Variants in NPIPB15 observed in about 807,000 individuals in gnomAD.
NPIPB15 encodes the protein nuclear pore complex-interacting protein family member B15.
Under a neutral mutation model 35.9 loss-of-function variants are expected in NPIPB15, and 5 were observed. That is an observed-to-expected ratio of 0.14 (90% CI 0.07 to 0.29). The LOEUF is 0.29. Ranked by LOEUF, NPIPB15 falls within the 10% of genes least tolerant of loss-of-function variation. The pLI, the probability that NPIPB15 is intolerant of heterozygous loss-of-function variation, is 1.00. For synonymous variants in NPIPB15, 43 were observed against 182.0 expected (o/e 0.24, Z 6.15); for missense variants, 100 against 506.1 (o/e 0.20, Z 7.70).
At chr16:74,387,344 A>C (rs1454516514) in intron 5 of NPIPB15, among the ~76,000 whole-genome samples, 1 of 148,612 alleles carries the variant, frequency 6.7e-6, no homozygotes, top group African/African-American at 2.5e-5. Context: ...TCAGCAATGA[A>C]ACTCAGGGAA....
At chr16:74,383,894 TGA>T (rs2012119353) in intron 3 of NPIPB15, among the ~76,000 whole-genome samples, 1 of 151,416 alleles carries the variant, frequency 6.6e-6, no homozygotes, top group African/African-American at 2.4e-5. Context: ...TCAGCATGGT[TGA>T]GAGTGACACT....
chr16:74,377,414 C>G (rs2011715955), intron 1 of NPIPB15, among the ~76,000 whole-genome samples, 68 bp downstream of exon 1: 1 of 151,776 alleles, frequency 6.6e-6, no homozygotes, highest in Non-Finnish European at 1.5e-5. Context: ...GGGGAGGGGT[C>G]ATTGGAATGA....
intron 2 of NPIPB15, among the ~76,000 whole-genome samples, chr16:74,378,245 T>C (rs1372004265): frequency 1.3e-5 from 2 of 151,592 alleles, no homozygotes; most frequent in Non-Finnish European, 2.9e-5. Context: ...TAGTCGGGCC[T>C]GGTGGTGCGT....
intron 2 of NPIPB15, among the ~76,000 whole-genome samples, chr16:74,378,689 C>T (rs1428486560): frequency 3.3e-5 from 5 of 150,816 alleles, no homozygotes; most frequent in Admixed American, 2.0e-4. Flanking sequence ...GGATTACAGG[C>T]GTGAACCACC....
intron 3 of NPIPB15, among the ~76,000 whole-genome samples, chr16:74,382,927 T>C (rs1233256347): frequency 5.7e-5 from 8 of 141,410 alleles, no homozygotes; most frequent in East Asian, 2.2e-4. Context: ...TTTTTTTTTT[T>C]CTTTTCTCAC....
intron 7 of NPIPB15, 69 bp from the exon 8 acceptor site, chr16:74,391,322 G>A (rs1213381811): frequency 2.5e-6 from 4 of 1,569,652 alleles, no homozygotes; most frequent in East Asian, 4.7e-5. Context: ...GGTGCAGACT[G>A]TGTTGGTGGC....
intron 5 of NPIPB15, among the ~76,000 whole-genome samples, chr16:74,386,486 TCTCA>T (rs1160742855): frequency 1.7e-5 from 2 of 117,984 alleles, no homozygotes; most frequent in South Asian, 2.9e-4. Flanking sequence ...TGAGACAGAG[TCTCA>T]CTCTGTCACC....
At chr16:74,379,104 T>C (rs920954108) in intron 2 of NPIPB15, among the ~76,000 whole-genome samples, 4 of 152,270 alleles carry the variant, frequency 2.6e-5, no homozygotes, top group African/African-American at 7.2e-5. Flanking sequence ...CCAGCCAAGA[T>C]CTACACTATT....
intron 2 of NPIPB15, among the ~76,000 whole-genome samples, chr16:74,378,423 CTTT>C (rs1002146100): frequency 4.9e-4 from 42 of 86,060 alleles, no homozygotes; most frequent in East Asian, 2.3e-3. Context: ...GGTTTGATGC[CTTT>C]TTTTTTTTTT....
intron 1 of NPIPB15, 157 bp from the exon 2 acceptor site, chr16:74,377,794 TC>T (rs1567410243): frequency 1.5e-3 from 2 of 1,376 alleles, no homozygotes; most frequent in African/African-American, 0.01. Context: ...CCCCTTCCCC[TC>T]CCCTCCCCCT....
intron 3 of NPIPB15, among the ~76,000 whole-genome samples, chr16:74,382,740 G>A (rs1310465025): frequency 1.3e-5 from 2 of 152,216 alleles, no homozygotes; most frequent in East Asian, 3.8e-4. Flanking sequence ...GGAAGAGGAA[G>A]TATGTTTCAG....
intron 3 of NPIPB15, among the ~76,000 whole-genome samples, chr16:74,382,796 GATATGTAGAAAACAGAAA>G (rs1257152547): frequency 6.6e-6 from 1 of 151,208 alleles, no homozygotes; most frequent in Admixed American, 6.6e-5. Context: ...TGCCTTTCAA[GATATGTAGAAAACAGAAA>G]ATATATGAGT....
intron 3 of NPIPB15, among the ~76,000 whole-genome samples, chr16:74,382,691 A>G (rs1218639897): frequency 6.6e-6 from 1 of 152,286 alleles, no homozygotes; most frequent in Admixed American, 6.5e-5. Context: ...ATGATCCAAG[A>G]TAAAAGTACT....
At chr16:74,379,320 G>C (rs138243158) in intron 2 of NPIPB15, among the ~76,000 whole-genome samples, 5,201 of 150,436 alleles carry the variant, frequency 0.035, 270 homozygotes, top group African/African-American at 0.12. Context: ...TTCCATTTCA[G>C]ACTCAGCATA....
intron 3 of NPIPB15, among the ~76,000 whole-genome samples, chr16:74,384,991 T>TTTTGTGTG (rs2012189109): frequency 1.1e-5 from 1 of 93,482 alleles, no homozygotes; most frequent in South Asian, 4.2e-4. Flanking sequence ...CATGTCATTC[T>TTTTGTGTG]TGTGTGTGTG....
intron 2 of NPIPB15, among the ~76,000 whole-genome samples, chr16:74,379,621 G>T (rs1158352973): frequency 3.5e-5 from 5 of 143,150 alleles, no homozygotes; most frequent in African/African-American, 1.3e-4. Flanking sequence ...ACAGAGTCTC[G>T]CTCTGTCACC....
intron 7 of NPIPB15, chr16:74,390,805 C>T (rs1203039979): frequency 2.1e-5 from 2 of 94,800 alleles, no homozygotes; most frequent in African/African-American, 7.8e-5. Context: ...CTGTGTGACC[C>T]TGGGCACAAT....
At chr16:74,380,785 C>T (rs1362471666) in intron 2 of NPIPB15, among the ~76,000 whole-genome samples, 1 of 150,730 alleles carries the variant, frequency 6.6e-6, no homozygotes, top group African/African-American at 2.4e-5. Flanking sequence ...GAGCACGCCA[C>T]TGCACTCCAG....
intron 3 of NPIPB15, 118 bp downstream of exon 3, chr16:74,381,816 G>A: frequency 9.3e-7 from 1 of 1,074,838 alleles, no homozygotes; most frequent in Non-Finnish European, 1.3e-6. Context: ...CAAAAAATCA[G>A]GGAAATGATT....
Sources: allele counts gnomAD v4.1 joint callset (sites outside exome capture counted in the v4.1 genomes callset), GRCh38; gene constraint gnomAD v4.1.1; transcripts MANE v1.5; gene names NCBI Gene and HGNC (gene_info 2026-07-23, HGNC 2026-07-21).